LARP4B: variants seen among roughly 807,000 people sequenced by gnomAD.
LARP4B encodes la-related protein 4B.
Under a neutral mutation model 89.8 loss-of-function variants are expected in LARP4B, and 12 were observed. That is an observed-to-expected ratio of 0.13 (90% CI 0.09 to 0.22). LARP4B has a LOEUF of 0.22. Ranked by LOEUF, LARP4B falls within the 10% of genes least tolerant of loss-of-function variation. The pLI is 1.00. For synonymous variants in LARP4B, 367 were observed against 363.3 expected, an observed-to-expected ratio of 1.01 and a Z score of -0.12; for missense variants, 757 against 947.7, an observed-to-expected ratio of 0.80 and a Z score of 2.64.
intron 3 of LARP4B, among the ~76,000 whole-genome samples, chr10:866,527 T>C (rs1016838953): frequency 3.9e-5 from 6 of 152,258 alleles, no homozygotes; most frequent in South Asian, 2.1e-4. Flanking sequence ...ACACTGCCTC[T>C]GGCAGCGTTT....
intron 1 of LARP4B, among the ~76,000 whole-genome samples, chr10:901,378 C>G (rs185325593): frequency 6.6e-6 from 1 of 152,306 alleles, no homozygotes; most frequent in East Asian, 1.9e-4. Context: ...CAGCACCACT[C>G]TGTAATATTT....
At chr10:846,557 G>A (rs907656552) in intron 5 of LARP4B, among the ~76,000 whole-genome samples, 2 of 152,160 alleles carry the variant, frequency 1.3e-5, no homozygotes, top group Non-Finnish European at 2.9e-5. Context: ...CTGAGAAGAG[G>A]GGTGACAGAC....
upstream of LARP4B, among the ~76,000 whole-genome samples, chr10:935,359 C>A (rs1830736163): frequency 6.6e-6 from 1 of 152,154 alleles, no homozygotes; most frequent in African/African-American, 2.4e-5. Flanking sequence ...GGATGTGAGT[C>A]CCCTGGCCTC....
In LARP4B at chr10:880,037, G is replaced by A. The variant is rs181775031; in HGVS notation, c.141+4410C>T. On this transcript the variant is annotated intron_variant, in intron 3 of 17. Coordinates refer to ENST00000316157, the MANE Select transcript of LARP4B (RefSeq NM_015155.3). The stretch of plus-strand genomic sequence containing the variant: ...GATCCGCCCGCCTCAGCCTCCCAAA[G>A]TGCTGGGATTACAGACATGAGCCAC... Among the ~76,000 whole-genome samples the A allele has an allele frequency of 2.7e-3, 418 of 152,176 alleles. 5 individuals are homozygous for A. The highest frequency in any genetic ancestry group is 9.7e-3 in the African/African-American group (404 of 41,508).
the LARP4B span, among the ~76,000 whole-genome samples, chr10:966,684 G>C: frequency 6.6e-6 from 1 of 152,260 alleles, no homozygotes; most frequent in African/African-American, 2.4e-5. Context: ...AGGCTTGCGG[G>C]AGACAGGGCA....
chr10:909,033 G>C (rs529001780), intron 1 of LARP4B, among the ~76,000 whole-genome samples: 1 of 152,258 alleles, frequency 6.6e-6, no homozygotes, highest in East Asian at 1.9e-4. Flanking sequence ...GGTGGCTCAT[G>C]CCTGTAATCC....
chr10:864,709 T>A (rs371496095), intron 3 of LARP4B, among the ~76,000 whole-genome samples: 3 of 152,158 alleles, frequency 2.0e-5, no homozygotes, highest in East Asian at 3.9e-4. Flanking sequence ...ATCCCAGCAC[T>A]TTGGGAGGCC....
At chr10:898,587 G>T (rs1836252872) in intron 1 of LARP4B, among the ~76,000 whole-genome samples, 1 of 152,194 alleles carries the variant, frequency 6.6e-6, no homozygotes, top group African/African-American at 2.4e-5. Flanking sequence ...TTCAGAACTT[G>T]ATAATTTCTA....
chr10:956,769 C>A, the LARP4B span, among the ~76,000 whole-genome samples: 3 of 152,172 alleles, frequency 2.0e-5, no homozygotes, highest in Non-Finnish European at 4.4e-5. This position sits in a 1 kb window ranked among gnomAD's most constrained non-coding sequence, Gnocchi z 4.3. Flanking sequence ...ACACCTGTTG[C>A]TAGAGCCATG....
intron 1 of LARP4B, among the ~76,000 whole-genome samples, chr10:910,077 T>C (rs1156327374): frequency 6.6e-6 from 1 of 152,212 alleles, no homozygotes; most frequent in Non-Finnish European, 1.5e-5. Context: ...CAGAATTGTT[T>C]AGTCATTTTG....
intron 5 of LARP4B, among the ~76,000 whole-genome samples, chr10:846,770 A>G (rs1833798369): frequency 6.6e-6 from 1 of 152,154 alleles, no homozygotes; most frequent in Non-Finnish European, 1.5e-5. Context: ...AGGACTCTCC[A>G]AGCGATAGGT....
chr10:833,213 T>C (rs1016755227), intron 8 of LARP4B, among the ~76,000 whole-genome samples: 1 of 84,540 alleles, frequency 1.2e-5, no homozygotes, highest in African/African-American at 4.6e-5. Flanking sequence ...GGGCCACACA[T>C]AAAATACACT....
Position 815,052 on chromosome 10 carries a change from T to C in LARP4B, c.1714A>G (p.Ser572Gly), listed in dbSNP as rs1474731804. Reference protein sequence around the residue: ...SKERTLSADASVNTLPVVVSR... With the variant: ...SKERTLSADAGVNTLPVVVSR... Reference sequence around the variant, plus strand: ...ACCACTACAGGAAGGGTGTTCACGCTTGCGTCTGCACTGAGGGTCTGAAAC... The same window carrying C: ...ACCACTACAGGAAGGGTGTTCACGCCTGCGTCTGCACTGAGGGTCTGAAAC... Residue 572 changes from serine (S) to glycine (G), a missense_variant, in exon 16 of 18, where the codon AGC (serine) becomes GGC (glycine). Physicochemically the swap from Ser to Gly is moderately conservative, Grantham distance 56. Transcript: ENST00000316157. 14 of 1,593,172 alleles carry C rather than the reference T, an allele frequency of 8.8e-6. No individual in the cohort carries two copies. The highest frequency in any genetic ancestry group is 5.2e-5 in the Admixed American group (3 of 57,938).
chr10:918,101 G>A (rs912035983), intron 1 of LARP4B, among the ~76,000 whole-genome samples: 2 of 152,158 alleles, frequency 1.3e-5, no homozygotes, highest in Non-Finnish European at 2.9e-5. Flanking sequence ...CCAAAAGCAT[G>A]AAATTCAAAG....
upstream of LARP4B, among the ~76,000 whole-genome samples, chr10:932,728 C>G (rs1830685271): frequency 7.0e-6 from 1 of 142,324 alleles, no homozygotes; most frequent in Non-Finnish European, 1.5e-5. Context: ...CTGTCCCGAA[C>G]TCCCGCCCCA....
chr10:972,423 CA>C, the LARP4B span: 5 of 431,430 alleles, frequency 1.2e-5, no homozygotes, highest in Admixed American at 2.6e-5. Context: ...AAACATGAGC[CA>C]AAAAAACTTC....
chr10:853,473 C>G (rs1183938484), intron 5 of LARP4B, among the ~76,000 whole-genome samples: 1 of 152,188 alleles, frequency 6.6e-6, no homozygotes, highest in African/African-American at 2.4e-5. Context: ...CACCTGGGGT[C>G]AGGAGTTCAA....
At chr10:831,202 C>T (rs1832885307) in intron 8 of LARP4B, among the ~76,000 whole-genome samples, 1 of 151,888 alleles carries the variant, frequency 6.6e-6, no homozygotes, top group African/African-American at 2.4e-5. Context: ...ACAGCTTCCC[C>T]TACTCTCAAG....
chr10:842,300 T>A (rs1341742), intron 7 of LARP4B, among the ~76,000 whole-genome samples: 30 of 151,808 alleles, frequency 2.0e-4, no homozygotes, highest in African/African-American at 6.3e-4. Context: ...TGGGTTCAAG[T>A]GATTTCCCTG....
Sources: allele counts gnomAD v4.1 joint callset (sites outside exome capture counted in the v4.1 genomes callset), GRCh38; gene constraint gnomAD v4.1.1; non-coding constraint Gnocchi (gnomAD v3.1); transcripts MANE v1.5; gene names NCBI Gene and HGNC (gene_info 2026-07-23, HGNC 2026-07-21).